ATP6V1H: variants seen among roughly 807,000 people sequenced by gnomAD.
The protein encoded by ATP6V1H is ATPase H+ transporting V1 subunit H.
A neutral mutation model predicts 71.7 loss-of-function variants in ATP6V1H; 39 were observed. The ratio of observed to expected loss-of-function variants is 0.54; its 90% CI spans 0.42 to 0.71. The LOEUF (loss-of-function observed/expected upper bound fraction) is 0.71. ATP6V1H is among the 30% of genes least tolerant of loss of function. The probability of loss-of-function intolerance (pLI) is 0.00; values close to 1 mark genes in which losing one functional copy is unlikely to be tolerated. For synonymous variants in ATP6V1H, 192 were observed against 199.3 expected (o/e 0.96, Z 0.31); for missense variants, 509 against 594.9 (o/e 0.86, Z 1.50).
chr8:53,811,714 A>G (rs1810280814), intron 6 of ATP6V1H, among the ~76,000 whole-genome samples: 1 of 152,232 alleles, frequency 6.6e-6, no homozygotes. Flanking sequence ...GAAATGACCA[A>G]AGAAAATTTA....
chr8:53,799,538 G>C (rs1004320012), intron 8 of ATP6V1H, among the ~76,000 whole-genome samples: 4 of 152,190 alleles, frequency 2.6e-5, no homozygotes, highest in Non-Finnish European at 5.9e-5. Context: ...TTACAAGGTT[G>C]GCCTTTGGCT....
In ATP6V1H at chr8:53,733,439, C is replaced by T. The variant is rs183670429; in HGVS notation, c.1391+10138G>A. On this transcript the variant is annotated intron_variant, in intron 13 of 13. Coordinates refer to ENST00000359530, the MANE Select transcript of ATP6V1H (RefSeq NM_015941.4). ...CAGGCTGTGTGTTGCTCCAGTGTGT[C>T]GACGACCTCCTGCTGGGACACCCCA... 2.7e-3 allele frequency among the ~76,000 whole-genome samples: 416 copies of T among 152,274 alleles called. 2 individuals carry two copies. The highest frequency in any genetic ancestry group is 9.6e-3 in the African/African-American group (399 of 41,546).
chr8:53,779,531 T>G lies in ATP6V1H; in HGVS notation c.871-7364A>C, dbSNP rs1014529994. 4.6e-5 allele frequency among the ~76,000 whole-genome samples: 7 copies of G among 150,776 alleles called. 1 individual carries two copies. In the Admixed American group the frequency reaches 4.7e-4, roughly 10 times the overall value. On this transcript the variant is annotated intron_variant, in intron 9 of 13. Transcript: ENST00000359530. ...GGACATACTAGATATCACAGATTAT[T>G]TATAATTCTTCTCTTAACCCCCAGT...
chr8:53,804,995 A>G (rs944076531), intron 7 of ATP6V1H, among the ~76,000 whole-genome samples: 23 of 152,246 alleles, frequency 1.5e-4, no homozygotes, highest in Non-Finnish European at 4.4e-5. Flanking sequence ...AGAGATCCAT[A>G]TACTACAGAA....
chr8:53,736,518 A>T (rs1273659346), intron 13 of ATP6V1H, among the ~76,000 whole-genome samples: 2 of 152,238 alleles, frequency 1.3e-5, no homozygotes, highest in Admixed American at 1.3e-4. Flanking sequence ...CTACATGCTC[A>T]ATCAAATCAT....
At chr8:53,754,043 T>A (rs527956992) in intron 12 of ATP6V1H, among the ~76,000 whole-genome samples, 7 of 152,310 alleles carry the variant, frequency 4.6e-5, no homozygotes, top group Non-Finnish European at 7.4e-5. Context: ...GGAAGCCAGA[T>A]GAGCCCTGCA....
intron 4 of ATP6V1H, among the ~76,000 whole-genome samples, chr8:53,825,016 A>G (rs1810783127): frequency 6.6e-6 from 1 of 152,138 alleles, no homozygotes; most frequent in African/African-American, 2.4e-5. Flanking sequence ...TGTTTTTAAC[A>G]GTATAATTAA....
At chr8:53,782,859 T>C (rs1809210805) in intron 9 of ATP6V1H, among the ~76,000 whole-genome samples, 1 of 152,270 alleles carries the variant, frequency 6.6e-6, no homozygotes, top group African/African-American at 2.4e-5. Flanking sequence ...GATTTTCGTA[T>C]GTTGAACCAG....
intron 13 of ATP6V1H, among the ~76,000 whole-genome samples, chr8:53,734,883 A>G (rs1807147465): frequency 6.6e-6 from 1 of 152,222 alleles, no homozygotes; most frequent in Non-Finnish European, 1.5e-5. Flanking sequence ...AAATAATAGA[A>G]GAAGGATAGA....
chr8:53,827,276 G>A (rs1810853787), intron 4 of ATP6V1H, among the ~76,000 whole-genome samples: 5 of 151,352 alleles, frequency 3.3e-5, no homozygotes, highest in South Asian at 2.1e-4. Flanking sequence ...CCAGTTTCTC[G>A]GGAGGCTGAG....
chr8:53,803,734 A>G (rs1470785457), intron 7 of ATP6V1H, among the ~76,000 whole-genome samples: 4 of 152,236 alleles, frequency 2.6e-5, no homozygotes, highest in Non-Finnish European at 4.4e-5. Context: ...AGACAGATAA[A>G]TAGTGCATTT....
chr8:53,722,236 A>G (rs1387033874), intron 13 of ATP6V1H, among the ~76,000 whole-genome samples: 7 of 152,158 alleles, frequency 4.6e-5, no homozygotes, highest in Admixed American at 1.3e-4. Flanking sequence ...TCTGTGCTTC[A>G]TGGCTTTTCC....
chr8:53,780,905 G>A lies in ATP6V1H; in HGVS notation c.871-8738C>T, dbSNP rs542575446. 2.5e-3 allele frequency among the ~76,000 whole-genome samples: 388 copies of A among 152,316 alleles called. 5 individuals are homozygous for A. Among genetic ancestry groups the A allele is most frequent in the African/African-American group, 9.0e-3 (374 of 41,570 alleles). Reference sequence around the variant, plus strand: ...TTATGGCTGCAGAGTATTCCATGGTGTATATGTGCCACATTTTCTTAATCC... The same window carrying A: ...TTATGGCTGCAGAGTATTCCATGGTATATATGTGCCACATTTTCTTAATCC... On this transcript the variant is annotated intron_variant, in intron 9 of 13. Transcript: ENST00000359530.
chr8:53,804,213 C>A (rs190578606), intron 7 of ATP6V1H, among the ~76,000 whole-genome samples: 2 of 152,286 alleles, frequency 1.3e-5, no homozygotes, highest in African/African-American at 4.8e-5. Context: ...TTATTGCCTT[C>A]AATTACGCAA....
chr8:53,764,289 TGG>T (rs1377891899), intron 11 of ATP6V1H, among the ~76,000 whole-genome samples: 1 of 152,150 alleles, frequency 6.6e-6, no homozygotes, highest in Non-Finnish European at 1.5e-5. Context: ...ACAAAAATAT[TGG>T]CAAATCAAAT....
intron 7 of ATP6V1H, among the ~76,000 whole-genome samples, chr8:53,808,307 C>T (rs190038777): frequency 2.6e-5 from 4 of 152,210 alleles, no homozygotes; most frequent in African/African-American, 7.2e-5. Flanking sequence ...TCCACTTCCA[C>T]GCTGTCCTGC....
intron 12 of ATP6V1H, among the ~76,000 whole-genome samples, chr8:53,752,653 C>T (rs190939034): frequency 1.2e-3 from 185 of 152,200 alleles, no homozygotes; most frequent in Non-Finnish European, 1.9e-3. Flanking sequence ...TGGGTTCAAG[C>T]GATTATCCTG....
intron 13 of ATP6V1H, among the ~76,000 whole-genome samples, chr8:53,739,270 A>G (rs1358331934): frequency 2.0e-5 from 3 of 152,204 alleles, no homozygotes; most frequent in Non-Finnish European, 4.4e-5. Flanking sequence ...GCTAAAACAC[A>G]TAAGAGGTTT....
At chr8:53,804,605 T>C (rs900674046) in intron 7 of ATP6V1H, among the ~76,000 whole-genome samples, 1 of 152,026 alleles carries the variant, frequency 6.6e-6, no homozygotes, top group Non-Finnish European at 1.5e-5. Flanking sequence ...ACCCAGGAGG[T>C]GGAAGTTGCA....
Sources: allele counts gnomAD v4.1 joint callset (sites outside exome capture counted in the v4.1 genomes callset), GRCh38; gene constraint gnomAD v4.1.1; transcripts MANE v1.5; gene names NCBI Gene and HGNC (gene_info 2026-07-23, HGNC 2026-07-21).